The following TBX15 variants were observed in gnomAD, a reference collection of about 807,000 sequenced individuals.
TBX15 encodes the protein T-box transcription factor 15, also known as T-box transcription factor TBX15.
Under a neutral mutation model 53.9 loss-of-function variants are expected in TBX15, and 18 were observed. That is an observed-to-expected ratio of 0.33 (90% CI 0.23 to 0.49). The LOEUF (loss-of-function observed/expected upper bound fraction) is 0.49, where lower values mean the gene tolerates loss of function less well. TBX15 is among the 20% of genes least tolerant of loss of function. TBX15 has a pLI of 0.98. For synonymous variants in TBX15, 295 were observed against 278.0 expected (o/e 1.06, Z -0.61); for missense variants, 692 against 749.5 (o/e 0.92, Z 0.90).
chr1:118,927,917 C>T (rs996116622), intron 2 of TBX15, among the ~76,000 whole-genome samples: 3 of 152,218 alleles, frequency 2.0e-5, no homozygotes, highest in Non-Finnish European at 2.9e-5. Context: ...ATGCAAAATG[C>T]TGCATTAAGC....
intron 1 of TBX15, among the ~76,000 whole-genome samples, chr1:118,945,568 C>A (rs1012050821): frequency 6.6e-6 from 1 of 152,156 alleles, no homozygotes; most frequent in African/African-American, 2.4e-5. Flanking sequence ...CATGGAGACA[C>A]CCTGTCATTT....
chr1:118,923,402 A>G, intron 5 of TBX15, 34 bp downstream of exon 5: 1 of 1,613,244 alleles, frequency 6.2e-7, no homozygotes, highest in Non-Finnish European at 8.5e-7. Flanking sequence ...CAAAAAACAG[A>G]TGTAGCAGAA....
intron 7 of TBX15, among the ~76,000 whole-genome samples, chr1:118,893,525 A>AGAAG (rs1276683484): frequency 1.5e-5 from 2 of 130,660 alleles, no homozygotes; most frequent in African/African-American, 3.4e-5. Flanking sequence ...AAAGAAAGAA[A>AGAAG]GAAGGAAAGA....
chr1:118,972,378 A>T (rs1282761353), intron 1 of TBX15, among the ~76,000 whole-genome samples: 27 of 152,330 alleles, frequency 1.8e-4, no homozygotes, highest in Non-Finnish European at 4.4e-5. Flanking sequence ...TTGGTGCTCA[A>T]GATAGATCTT....
chr1:118,984,721 C>T (rs1200285871), intron 1 of TBX15, among the ~76,000 whole-genome samples: 1 of 152,204 alleles, frequency 6.6e-6, no homozygotes, highest in Non-Finnish European at 1.5e-5. Flanking sequence ...CTCACAGACC[C>T]TTCTCCAAAG....
chr1:118,943,737 T>G (rs1557894197), intron 1 of TBX15, among the ~76,000 whole-genome samples: 1 of 152,082 alleles, frequency 6.6e-6, no homozygotes, highest in Non-Finnish European at 1.5e-5. Context: ...ATGGATAGCC[T>G]TGTCAGAAAC....
chr1:118,925,496 C>T (rs1655564073), intron 3 of TBX15, among the ~76,000 whole-genome samples: 1 of 152,196 alleles, frequency 6.6e-6, no homozygotes, highest in Admixed American at 6.5e-5. Context: ...CCCACAAAGT[C>T]ACTGGAAAAA....
At chr1:118,972,087 G>C (rs1571215037) in intron 1 of TBX15, among the ~76,000 whole-genome samples, 2 of 152,258 alleles carry the variant, frequency 1.3e-5, no homozygotes, top group South Asian at 2.1e-4. Flanking sequence ...TACTTAACTG[G>C]GGCTCTTTTG....
intron 7 of TBX15, among the ~76,000 whole-genome samples, chr1:118,887,947 G>T (rs540882201): frequency 6.6e-6 from 1 of 152,258 alleles, no homozygotes; most frequent in African/African-American, 2.4e-5. Context: ...AATAACGAAA[G>T]AATTTCAAAA....
At chr1:118,964,562 C>T (rs1453582022) in intron 1 of TBX15, among the ~76,000 whole-genome samples, 1 of 152,244 alleles carries the variant, frequency 6.6e-6, no homozygotes, top group Non-Finnish European at 1.5e-5. Flanking sequence ...AACATCTACT[C>T]AATTATCCTT....
At chr1:118,887,503 C>T (rs550939353) in intron 7 of TBX15, among the ~76,000 whole-genome samples, 2 of 152,116 alleles carry the variant, frequency 1.3e-5, no homozygotes, top group Admixed American at 6.6e-5. Context: ...GGTGAAACCC[C>T]GTCTCTACTA....
At chr1:118,938,147 G>A (rs1656025622) in intron 1 of TBX15, among the ~76,000 whole-genome samples, 1 of 152,158 alleles carries the variant, frequency 6.6e-6, no homozygotes, top group African/African-American at 2.4e-5. Context: ...AGCTTCAAGG[G>A]AATGAACTAT....
At position 118,926,632 on chromosome 1, in the gene TBX15, G is replaced by T. The variant is rs903950921; in HGVS notation, c.420-21C>A. 2.5e-6 allele frequency: 4 copies of T among 1,601,078 alleles called. No individual in the cohort carries two copies. The Admixed American group carries it at 6.7e-5, about 27-fold the overall frequency. ...TCCTCCTATGAAGATGAATAAAACA[G>T]AAAGCTCAGAAATCAGGGTGGGAGA... On this transcript the variant is annotated intron_variant, in intron 2 of 7. Coordinates refer to ENST00000369429, the MANE Select transcript of TBX15 (RefSeq NM_001330677.2).
At chr1:118,906,736 G>T (rs1193797180) in intron 6 of TBX15, among the ~76,000 whole-genome samples, 1 of 152,144 alleles carries the variant, frequency 6.6e-6, no homozygotes, top group Non-Finnish European at 1.5e-5. Context: ...TGCAGTGAGT[G>T]GCACCAGTCT....
At chr1:118,953,205 T>A (rs1360064580) in intron 1 of TBX15, among the ~76,000 whole-genome samples, 1 of 152,242 alleles carries the variant, frequency 6.6e-6, no homozygotes, top group African/African-American at 2.4e-5. Context: ...CCTCTGAACC[T>A]AACCCTCATA....
intron 6 of TBX15, among the ~76,000 whole-genome samples, chr1:118,902,168 T>G (rs1654653526): frequency 6.6e-6 from 1 of 152,168 alleles, no homozygotes; most frequent in Admixed American, 6.5e-5. Context: ...TTGATTTTAT[T>G]TATGTATTCA....
Position 118,884,204 on chromosome 1 carries a change from C to A in TBX15, c.*528G>T, listed in dbSNP as rs1418141693. Reference sequence around the variant, plus strand: ...GACTGGCAGCTACTGCTGGCCCACTCCATCTAGAGTTGTACACAGACAAAT... The same window carrying A: ...GACTGGCAGCTACTGCTGGCCCACTACATCTAGAGTTGTACACAGACAAAT... On this transcript the variant is annotated 3_prime_UTR_variant, in exon 8 of 8. Transcript: ENST00000369429. The A allele has an allele frequency of 1.3e-5, 2 of 158,258 alleles. No homozygotes were observed. Among genetic ancestry groups the A allele is most frequent in the Non-Finnish European group, 2.8e-5 (2 of 71,582 alleles). The allele number at this position is 158,258 out of a possible 1,614,324, so 9.8% of individuals were successfully genotyped here. A position where few individuals can be genotyped will look rare whatever the true frequency, so the allele number is the denominator to read the frequency against.
At chr1:118,978,599 C>T (rs1657518292) in intron 1 of TBX15, among the ~76,000 whole-genome samples, 2 of 152,136 alleles carry the variant, frequency 1.3e-5, no homozygotes, top group South Asian at 4.1e-4. Flanking sequence ...ATCTAGGACT[C>T]CTAACTTAAG....
At position 118,908,355 on chromosome 1, in the gene TBX15, C is replaced by T. The variant is rs566691488; in HGVS notation, c.926+5760G>A. Among the ~76,000 whole-genome samples the T allele has an allele frequency of 6.0e-5, 9 of 149,028 alleles. No individual in the cohort carries two copies. In the South Asian group the frequency reaches 1.1e-3, roughly 18 times the overall value. ...CTTATATTCTAGTAGGGGGCAGAGC[C>T]CAGGAACACAGAGCACAAGACCAAA... On this transcript the variant is annotated intron_variant, in intron 6 of 7. Coordinates refer to ENST00000369429, the MANE Select transcript of TBX15 (RefSeq NM_001330677.2).
Sources: gnomAD v4.1 joint callset for allele counts (sites outside exome capture counted in the v4.1 genomes callset) on GRCh38, gnomAD v4.1.1 for gene constraint, MANE v1.5 for transcripts, NCBI Gene and HGNC (gene_info 2026-07-23, HGNC 2026-07-21) for gene names.